The following SRGAP3 variants were observed in gnomAD, a reference collection of about 807,000 sequenced individuals.
SRGAP3 encodes the protein SLIT-ROBO Rho GTPase activating protein 3, also known as SLIT-ROBO Rho GTPase-activating protein 3.
SRGAP3 carries 39 observed loss-of-function variants against 121.1 expected under a neutral mutation model. The observed-to-expected ratio is 0.32, with a 90% CI of 0.25 to 0.42. SRGAP3 has a LOEUF of 0.42. SRGAP3 is among the 10% of genes least tolerant of loss of function. The pLI is 1.00. For missense variants in SRGAP3, 1,213 were observed against 1,470.6 expected (o/e 0.82, Z 2.86); for synonymous variants, 601 against 570.0 (o/e 1.05, Z -0.77).
At chr3:9,203,458 G>C (rs766101217) in intron 1 of SRGAP3, among the ~76,000 whole-genome samples, 4 of 152,160 alleles carry the variant, frequency 2.6e-5, no homozygotes, top group African/African-American at 4.8e-5. Context: ...AATATTAACT[G>C]AGAACCGACC....
At chr3:9,129,371 T>G (rs918089396) in intron 1 of SRGAP3, among the ~76,000 whole-genome samples, 1 of 151,492 alleles carries the variant, frequency 6.6e-6, no homozygotes, top group Non-Finnish European at 1.5e-5. Context: ...TTTTATTTAG[T>G]GCAAATTAAA....
chr3:8,983,889 T>A lies in SRGAP3; in HGVS notation c.*1630A>T, dbSNP rs747686345. On this transcript the variant is annotated 3_prime_UTR_variant, in exon 22 of 22. Coordinates refer to ENST00000383836, the MANE Select transcript of SRGAP3 (RefSeq NM_014850.4). ...GACTCTGGGCCTTTTGACTCCAAACTTCAGTGGCCTCGAGAGAGAGGAAGC... is the reference window on the plus strand; with the variant it reads ...GACTCTGGGCCTTTTGACTCCAAACATCAGTGGCCTCGAGAGAGAGGAAGC... 23 of 229,116 alleles carry A rather than the reference T, an allele frequency of 1.0e-4. No individual in the cohort carries two copies. Among genetic ancestry groups the A allele is most frequent in the Non-Finnish European group, 1.6e-4 (19 of 115,666 alleles). The allele number at this position is 229,116 out of a possible 1,614,324, so 14.2% of individuals were successfully genotyped here.
chr3:9,229,161 A>AAGGTGATATTATGGACT (rs1371197502), intron 1 of SRGAP3, among the ~76,000 whole-genome samples: 1 of 152,172 alleles, frequency 6.6e-6, no homozygotes, highest in Non-Finnish European at 1.5e-5. Context: ...ACTGGAAGGA[A>AAGGTGATATTATGGACT]AGGTGATATT....
chr3:9,033,203 C>G (rs1423352587), intron 11 of SRGAP3, among the ~76,000 whole-genome samples: 1 of 152,184 alleles, frequency 6.6e-6, no homozygotes, highest in Non-Finnish European at 1.5e-5. Flanking sequence ...TCCCAATGTA[C>G]CAGGGCACTG....
intron 1 of SRGAP3, among the ~76,000 whole-genome samples, chr3:9,224,550 C>T (rs1217145831): frequency 6.6e-6 from 1 of 152,174 alleles, no homozygotes; most frequent in Non-Finnish European, 1.5e-5. Flanking sequence ...AAAATTGCCA[C>T]AATTCACAAA....
At chr3:9,341,525 G>A (rs1049765471) in intron 1 of SRGAP3, among the ~76,000 whole-genome samples, 7 of 152,202 alleles carry the variant, frequency 4.6e-5, no homozygotes, top group Admixed American at 1.3e-4. Context: ...ATTCTGGGGG[G>A]AAAGTGTTGG....
chr3:9,163,880 G>T (rs2125082549), intron 1 of SRGAP3, among the ~76,000 whole-genome samples: 1 of 151,984 alleles, frequency 6.6e-6, no homozygotes, highest in East Asian at 1.9e-4. Context: ...GAGGAAGTTG[G>T]GACTTAGTAC....
chr3:8,992,623 A>G, intron 20 of SRGAP3: 1 of 524,772 alleles, frequency 1.9e-6, no homozygotes, highest in East Asian at 3.3e-5. Flanking sequence ...AATACTTGCC[A>G]ATTTGTATCT....
Position 9,048,294 on chromosome 3 carries a change from C to T in SRGAP3, c.1324-819G>A, listed in dbSNP as rs146949685. Reference sequence around the variant, plus strand: ...CCCCCACCTGCACTGTCACAGAGCCCCACTGGGCATGCCTCTGCTGCATGG... The same window carrying T: ...CCCCCACCTGCACTGTCACAGAGCCTCACTGGGCATGCCTCTGCTGCATGG... On this transcript the variant is annotated intron_variant, in intron 9 of 21. Transcript: ENST00000383836. Among the ~76,000 whole-genome samples the T allele has an allele frequency of 2.1e-3, 319 of 152,312 alleles. 1 individual carries two copies. The highest frequency in any genetic ancestry group is 7.4e-3 in the African/African-American group (307 of 41,576).
intron 11 of SRGAP3, chr3:9,036,676 G>A (rs566958335): frequency 6.6e-6 from 1 of 152,324 alleles, no homozygotes; most frequent in East Asian, 1.9e-4. Flanking sequence ...CCCACACTCT[G>A]CTGGAACAAA....
At chr3:9,300,308 T>C (rs889025144) in intron 3 of SRGAP3, among the ~76,000 whole-genome samples, 1 of 148,720 alleles carries the variant, frequency 6.7e-6, no homozygotes, top group African/African-American at 2.5e-5. Context: ...TCCCCAAAAC[T>C]TCACACTTCA....
chr3:9,240,445 C>A lies in SRGAP3; in HGVS notation c.67+8440G>T, dbSNP rs1430550185. Among the ~76,000 whole-genome samples the A allele has an allele frequency of 2.6e-5, 4 of 152,106 alleles. 1 individual carries two copies. The highest frequency in any genetic ancestry group is 1.9e-4 in the East Asian group (1 of 5,186). On this transcript the variant is annotated intron_variant, in intron 1 of 21. Transcript: ENST00000383836. ...AATTTCAGGAGGCAGCCCAAACTCACCCCCTCCTGACCTCACCAATCCTTA... is the reference window on the plus strand; with the variant it reads ...AATTTCAGGAGGCAGCCCAAACTCAACCCCTCCTGACCTCACCAATCCTTA...
chr3:9,325,917 T>C (rs1178990018), intron 3 of SRGAP3: 1 of 151,974 alleles, frequency 6.6e-6, no homozygotes, highest in Non-Finnish European at 1.5e-5. Context: ...AATCTCATGA[T>C]AGCAGAAGTC....
intron 10 of SRGAP3, among the ~76,000 whole-genome samples, chr3:9,044,028 G>A (rs1945139050): frequency 6.6e-6 from 1 of 152,162 alleles, no homozygotes; most frequent in Non-Finnish European, 1.5e-5. Flanking sequence ...ATGTGCTCTT[G>A]CTCCCGAGAA....
chr3:9,329,686 G>A (rs952789497), intron 2 of SRGAP3, among the ~76,000 whole-genome samples: 4 of 152,170 alleles, frequency 2.6e-5, no homozygotes, highest in African/African-American at 9.6e-5. Context: ...AGACCCATTC[G>A]TTTCAGCAAC....
Position 8,985,550 on chromosome 3 carries a change from T to C in SRGAP3, c.3269A>G (p.Asn1090Ser). Residue 1090 changes from asparagine (N) to serine (S), a missense_variant, in exon 22 of 22, where the codon AAC (asparagine) becomes AGC (serine). By Grantham distance (46) the Asn-to-Ser change is conservative. Coordinates refer to ENST00000383836, the MANE Select transcript of SRGAP3 (RefSeq NM_014850.4). This position sits in a 1 kb window ranked among gnomAD's most constrained non-coding sequence, Gnocchi z 5.1. Reference protein sequence around the residue: ...AVTPTEKMFPNSSADKSGTM With the variant: ...AVTPTEKMFPSSSADKSGTM ...GGTGCCCGACTTGTCCGCTGAGCTG[T>C]TGGGGAACATCTTCTCGGTGGGCGT... is the stretch of plus-strand genomic sequence containing the variant. 2.5e-6 allele frequency: 4 copies of C among 1,598,820 alleles called. No individual in the cohort carries two copies. The highest frequency in any genetic ancestry group is 3.4e-6 in the Non-Finnish European group (4 of 1,179,392).
intron 12 of SRGAP3, chr3:9,028,223 TCC>T: frequency 6.4e-7 from 1 of 1,553,560 alleles, no homozygotes; most frequent in Non-Finnish European, 8.9e-7. Flanking sequence ...TCCTTCAGAG[TCC>T]GTGAACGCCG....
intron 1 of SRGAP3, among the ~76,000 whole-genome samples, chr3:9,330,960 T>C (rs1955596106): frequency 6.6e-6 from 1 of 152,208 alleles, no homozygotes; most frequent in African/African-American, 2.4e-5. Flanking sequence ...TTACAGTTCA[T>C]CCAAAAGGAC....
intron 3 of SRGAP3, among the ~76,000 whole-genome samples, chr3:9,318,208 A>G (rs1955380637): frequency 1.3e-5 from 2 of 148,858 alleles, no homozygotes; most frequent in African/African-American, 4.9e-5. Flanking sequence ...CAATTTCATC[A>G]CCTTGTCTGG....
Sources: allele counts gnomAD v4.1 joint callset (sites outside exome capture counted in the v4.1 genomes callset), GRCh38; gene constraint gnomAD v4.1.1; non-coding constraint Gnocchi (gnomAD v3.1); transcripts MANE v1.5; gene names NCBI Gene and HGNC (gene_info 2026-07-23, HGNC 2026-07-21).